KCNIP4: variants seen among roughly 807,000 people sequenced by gnomAD.
The protein encoded by KCNIP4 is Kv channel-interacting protein 4.
KCNIP4 carries 12 observed loss-of-function variants against 34.0 expected under a neutral mutation model. The ratio of observed to expected loss-of-function variants is 0.35; its 90% confidence interval spans 0.23 to 0.57. The LOEUF is 0.57. Ranked by LOEUF, KCNIP4 falls within the 20% of genes least tolerant of loss-of-function variation. The pLI, the probability that KCNIP4 is intolerant of heterozygous loss-of-function variation, is 0.83. For synonymous variants in KCNIP4, 124 were observed against 102.2 expected (o/e 1.21, Z -1.29); for missense variants, 238 against 311.7 (o/e 0.76, Z 1.78).
chr4:21,847,309 A>C (rs1485226659), intron 1 of KCNIP4: 1 of 152,138 alleles, frequency 6.6e-6, no homozygotes, highest in Non-Finnish European at 1.5e-5. Context: ...TCAAAAGAAG[A>C]CCAGACTAGC....
intron 1 of KCNIP4, among the ~76,000 whole-genome samples, chr4:21,623,860 T>C (rs1276869748): frequency 6.6e-6 from 1 of 152,206 alleles, no homozygotes; most frequent in East Asian, 1.9e-4. Context: ...TAGTTACCAG[T>C]AGTTCTTTCT....
chr4:20,936,794 G>C lies in KCNIP4; in HGVS notation c.62-54085C>G, dbSNP rs180857695. Among the ~76,000 whole-genome samples, 271 of 152,264 alleles carry C rather than the reference G, an allele frequency of 1.8e-3. 3 individuals carry two copies. The highest frequency in any genetic ancestry group is 4.2e-3 in the African/African-American group (175 of 41,556). On this transcript the variant is annotated intron_variant, in intron 1 of 8. Coordinates refer to ENST00000382152, the MANE Select transcript of KCNIP4 (RefSeq NM_025221.6). ...GTCCCACAGAGCACAAAGTAAAATAGAATAAAATTTAGCCAAAGGCTGGTA... is the reference window on the plus strand; with the variant it reads ...GTCCCACAGAGCACAAAGTAAAATACAATAAAATTTAGCCAAAGGCTGGTA...
intron 1 of KCNIP4, among the ~76,000 whole-genome samples, chr4:20,973,304 C>T (rs1735155832): frequency 6.6e-6 from 1 of 152,228 alleles, no homozygotes; most frequent in Admixed American, 6.5e-5. Context: ...GAGATGACTT[C>T]TTTCCTTAAA....
In KCNIP4 at chr4:21,128,381, A is replaced by T. The variant is rs557205277; in HGVS notation, c.62-245672T>A. Among the ~76,000 whole-genome samples, 106 of 152,230 alleles carry T rather than the reference A, an allele frequency of 7.0e-4. 1 individual carries two copies. The highest frequency in any genetic ancestry group is 3.2e-3 in the Middle Eastern group (1 of 316). On this transcript the variant is annotated intron_variant, in intron 1 of 8. Coordinates refer to ENST00000382152, the MANE Select transcript of KCNIP4 (RefSeq NM_025221.6). ...GAAGCATGCGATGTTTCAGAACATG[A>T]CACAGGAATCATAAGTGTTCAAATA... is the stretch of plus-strand genomic sequence containing the variant.
At position 21,117,330 on chromosome 4, in the gene KCNIP4, C is replaced by A. The variant is rs187128287; in HGVS notation, c.62-234621G>T. Among the ~76,000 whole-genome samples, 212 of 118,408 alleles carry A rather than the reference C, an allele frequency of 1.8e-3. 2 individuals are homozygous for A. Among genetic ancestry groups the A allele is most frequent in the African/African-American group, 5.4e-3 (195 of 35,936 alleles). 77.7% of individuals were successfully genotyped at this position (118,408 alleles called of 152,430 possible). The stretch of plus-strand genomic sequence containing the variant: ...GGGGGGGGGGGGGGGCGCTGTTTTT[C>A]ATCTTCCTCGGTGATTCTCCTATGT... On this transcript the variant is annotated intron_variant, in intron 1 of 8. Coordinates refer to ENST00000382152, the MANE Select transcript of KCNIP4 (RefSeq NM_025221.6).
intron 1 of KCNIP4, among the ~76,000 whole-genome samples, chr4:21,179,749 A>G (rs1754705709): frequency 6.6e-6 from 1 of 152,216 alleles, no homozygotes; most frequent in Non-Finnish European, 1.5e-5. Context: ...TCATACAAAA[A>G]AACTTATTTT....
chr4:21,480,232 T>C (rs1412323284), intron 1 of KCNIP4, among the ~76,000 whole-genome samples: 1 of 152,024 alleles, frequency 6.6e-6, no homozygotes, highest in African/African-American at 2.4e-5. Context: ...AGCTATTCCT[T>C]ACATTATTGA....
chr4:21,745,097 G>A (rs1351072506), intron 1 of KCNIP4, among the ~76,000 whole-genome samples: 1 of 152,118 alleles, frequency 6.6e-6, no homozygotes, highest in South Asian at 2.1e-4. Flanking sequence ...TAAGCATAGA[G>A]CTATGGAAAA....
At chr4:21,273,403 C>T (rs1315225103) in intron 1 of KCNIP4, among the ~76,000 whole-genome samples, 2 of 152,078 alleles carry the variant, frequency 1.3e-5, no homozygotes, top group African/African-American at 4.8e-5. Context: ...GACTTCCCTC[C>T]TGTATTATCC....
At chr4:21,203,895 T>C (rs545782275) in intron 1 of KCNIP4, among the ~76,000 whole-genome samples, 1 of 152,332 alleles carries the variant, frequency 6.6e-6, no homozygotes, top group South Asian at 2.1e-4. Flanking sequence ...AAAAATTATC[T>C]AAAGTTCAAC....
At chr4:21,755,613 G>T (rs1335902047) in intron 1 of KCNIP4, among the ~76,000 whole-genome samples, 1 of 151,976 alleles carries the variant, frequency 6.6e-6, no homozygotes, top group Non-Finnish European at 1.5e-5. Context: ...GTGGAAGGAG[G>T]TATAGTGGCA....
In KCNIP4 at chr4:20,741,769, A is replaced by G. The variant is rs556903654; in HGVS notation, c.430-7034T>C. Reference sequence around the variant, plus strand: ...ACACAAAAAACCCTTCAAAAAATCAATGAATCCAGGAGCTGGTGTTTTGAA... The same window carrying G: ...ACACAAAAAACCCTTCAAAAAATCAGTGAATCCAGGAGCTGGTGTTTTGAA... On this transcript the variant is annotated intron_variant, in intron 5 of 8. Coordinates refer to ENST00000382152, the MANE Select transcript of KCNIP4 (RefSeq NM_025221.6). Among the ~76,000 whole-genome samples the G allele has an allele frequency of 1.2e-4, 19 of 152,338 alleles. No homozygotes were observed. In the South Asian group the frequency reaches 3.5e-3, roughly 28 times the overall value.
rs1753230329 is a variant in KCNIP4 at position 20,749,685 on chromosome 4, G to A, written c.406C>T (p.His136Tyr). ...HFLFNAFDTD[H>Y]NGAVSFEDFI... ...ACCTCGAAACTCACAGCTCCATTGT[G>A]GTCTGTATCAAATGCATTGAACAGA... is the stretch of plus-strand genomic sequence containing the variant. Residue 136 changes from histidine to tyrosine, a missense_variant, in exon 5 of 9, where the codon CAC becomes TAC. Coordinates refer to ENST00000382152, the MANE Select transcript of KCNIP4 (RefSeq NM_025221.6). 2 of 1,608,450 alleles carry A rather than the reference G, an allele frequency of 1.2e-6. No individual in the cohort carries two copies. Among genetic ancestry groups the A allele is most frequent in the Non-Finnish European group, 1.7e-6 (2 of 1,175,850 alleles).
chr4:20,931,100 C>T (rs1465688090), intron 1 of KCNIP4, among the ~76,000 whole-genome samples: 1 of 151,808 alleles, frequency 6.6e-6, no homozygotes. Context: ...ATGCTCATTG[C>T]ATCTATTCAC....
At chr4:20,908,728 T>A (rs73242558) in intron 1 of KCNIP4, among the ~76,000 whole-genome samples, 4,111 of 152,314 alleles carry the variant, frequency 0.027, 76 homozygotes, top group Middle Eastern at 0.071. Context: ...TAATAGCTGT[T>A]ATTTGTAGAA....
chr4:21,657,933 A>T (rs199783460), intron 1 of KCNIP4, among the ~76,000 whole-genome samples: 14 of 151,048 alleles, frequency 9.3e-5, no homozygotes, highest in Non-Finnish European at 1.6e-4. Context: ...TCTGCCTCCC[A>T]GGTTCAAGCA....
chr4:21,561,033 G>C (rs1369568811), intron 1 of KCNIP4, among the ~76,000 whole-genome samples: 3 of 151,906 alleles, frequency 2.0e-5, no homozygotes, highest in African/African-American at 7.3e-5. Context: ...ACATTTTTTG[G>C]TATTAAAGTT....
chr4:20,802,207 T>C (rs891991443), intron 3 of KCNIP4, among the ~76,000 whole-genome samples: 3 of 98,300 alleles, frequency 3.1e-5, no homozygotes, highest in Non-Finnish European at 4.3e-5. Context: ...TATATATATA[T>C]GCTACATATA....
chr4:20,867,498 ACC>A (rs148969495), intron 2 of KCNIP4, among the ~76,000 whole-genome samples: 17 of 152,190 alleles, frequency 1.1e-4, no homozygotes, highest in Non-Finnish European at 1.5e-4. Flanking sequence ...CTGGACCCCC[ACC>A]TTTCAACATA....
Sources: allele counts gnomAD v4.1 joint callset (sites outside exome capture counted in the v4.1 genomes callset), GRCh38; gene constraint gnomAD v4.1.1; transcripts MANE v1.5; gene names NCBI Gene and HGNC (gene_info 2026-07-23, HGNC 2026-07-21).